The following BEGAIN variants were observed in gnomAD, a reference collection of about 807,000 sequenced individuals.
BEGAIN encodes brain-enriched guanylate kinase-associated protein.
In BEGAIN, 19 loss-of-function variants were observed where a neutral mutation model predicts 35.8. The observed-to-expected ratio is 0.53, with a 90% CI of 0.37 to 0.78. The LOEUF (loss-of-function observed/expected upper bound fraction) is 0.78. Among genes scored for constraint, BEGAIN ranks in the 30% least tolerant of loss-of-function variants. The probability of loss-of-function intolerance (pLI) is 0.00; values close to 1 mark genes in which losing one functional copy is unlikely to be tolerated. For synonymous variants in BEGAIN, 462 were observed against 388.6 expected (o/e 1.19, Z -2.22); for missense variants, 795 against 853.6 (o/e 0.93, Z 0.85).
chr14:100,539,104 G>A lies in BEGAIN; in HGVS notation c.704C>T (p.Pro235Leu). Residue 235 changes from proline (P) to leucine (L), a missense_variant, in exon 7 of 7, where the codon CCA becomes CTA. Coordinates refer to ENST00000554140, the MANE Select transcript of BEGAIN (RefSeq NM_001385089.1). ...DLAFCDGVEK[P>L]GPRPPYKGDI... ...TCCCTTGTAGGGGGGCCGCGGGCCTGGTTTCTCCACCCCGTCGCAGAAGGC... is the reference window on the plus strand; with the variant it reads ...TCCCTTGTAGGGGGGCCGCGGGCCTAGTTTCTCCACCCCGTCGCAGAAGGC... 2 of 1,609,884 alleles carry A rather than the reference G, an allele frequency of 1.2e-6. No homozygotes were observed. The highest frequency in any genetic ancestry group is 1.7e-6 in the Non-Finnish European group (2 of 1,177,522).
Position 100,568,558 on chromosome 14 carries a change from C to T in BEGAIN, c.43-619G>A. On this transcript the variant is annotated intron_variant, in intron 1 of 6. Transcript: ENST00000554140. This position sits in a 1 kb window ranked among gnomAD's most constrained non-coding sequence, Gnocchi z 7.5. ...CCCTCCCGGGCCCCAGGGATTAACCCGTGAGCGCCCGGCTCGCCGGCGGGG... is the reference window on the plus strand; with the variant it reads ...CCCTCCCGGGCCCCAGGGATTAACCTGTGAGCGCCCGGCTCGCCGGCGGGG... 7.9e-7 allele frequency: 1 copy of T among 1,264,252 alleles called. No individual in the cohort carries two copies. Among genetic ancestry groups the T allele is most frequent in the South Asian group, 1.3e-5 (1 of 79,524 alleles). The allele number at this position is 1,264,252 out of a possible 1,614,324, so 78.3% of individuals were successfully genotyped here.
rs543961142 is a variant in BEGAIN, at chr14:100,554,076, TGGGGCCCTGCCGGGCTG to T, written c.72-7431_72-7415del. Among the ~76,000 whole-genome samples, 14 of 152,260 alleles carry T rather than the reference TGGGGCCCTGCCGGGCTG, an allele frequency of 9.2e-5. No individual in the cohort carries two copies. In the South Asian group the frequency reaches 2.3e-3, roughly 25 times the overall value. On this transcript the variant is annotated intron_variant, in intron 2 of 6. Coordinates refer to ENST00000554140, the MANE Select transcript of BEGAIN (RefSeq NM_001385089.1). Reference sequence around the variant, plus strand: ...GCCCTTCCTGCTCCCCTGAAGCCCATGGGGCCCTGCCGGGCTGGGGGAGGACGGTCACATGAGCTCCA... The same window carrying T: ...GCCCTTCCTGCTCCCCTGAAGCCCATGGGGAGGACGGTCACATGAGCTCCA...
intron 2 of BEGAIN, among the ~76,000 whole-genome samples, chr14:100,561,320 C>T (rs1377935350): frequency 6.6e-6 from 1 of 152,324 alleles, no homozygotes; most frequent in East Asian, 1.9e-4. Flanking sequence ...GACGGGCAGG[C>T]CACAACAGCA....
At chr14:100,540,332 C>T in intron 6 of BEGAIN, 164 bp downstream of exon 6, 1 of 624,286 alleles carries the variant, frequency 1.6e-6, no homozygotes, top group Non-Finnish European at 2.8e-6. Context: ...CCTTTGGCGG[C>T]CCCTCCAATG....
intron 1 of BEGAIN, among the ~76,000 whole-genome samples, chr14:100,578,645 C>G (rs910960216): frequency 2.6e-5 from 4 of 152,190 alleles, no homozygotes; most frequent in Non-Finnish European, 5.9e-5. Flanking sequence ...AGACAGCCAG[C>G]CTGTGTCTTT....
rs535030619 is a variant in BEGAIN at position 100,582,350 on chromosome 14, G to A, written c.42+4899C>T. ...AGTAGAGATGGGGTTTCTCCATGTT[G>A]GCCGGGATGGTCTTGATCTCCTGAC... On this transcript the variant is annotated intron_variant, in intron 1 of 6. Transcript: ENST00000554140. Among the ~76,000 whole-genome samples the A allele has an allele frequency of 9.5e-4, 144 of 152,174 alleles. 1 individual carries two copies. The highest frequency in any genetic ancestry group is 3.2e-3 in the African/African-American group (131 of 41,508).
At chr14:100,574,977 T>A (rs926230271) in intron 1 of BEGAIN, among the ~76,000 whole-genome samples, 1 of 152,130 alleles carries the variant, frequency 6.6e-6, no homozygotes, top group Non-Finnish European at 1.5e-5. Context: ...TGAGGCTCAG[T>A]CCCAAGTCTG....
intron 1 of BEGAIN, chr14:100,578,075 CT>C: frequency 2.5e-6 from 1 of 397,968 alleles, no homozygotes; most frequent in Non-Finnish European, 4.4e-6. Context: ...CAGGCCAGGG[CT>C]GCCTGCCAGA....
rs1278060690 is a variant in BEGAIN at position 100,563,063 on chromosome 14, G to A, written c.71+4848C>T. On this transcript the variant is annotated intron_variant, in intron 2 of 6. Coordinates refer to ENST00000554140, the MANE Select transcript of BEGAIN (RefSeq NM_001385089.1). The surrounding 1 kb of genome is among the most constrained non-coding windows in gnomAD (Gnocchi z 4.2). ...GCGTGGAGGGGCAGGGCAGGACAGG[G>A]TCAGGACCTTCGAGGCCACCTGCTC... 1.3e-5 allele frequency among the ~76,000 whole-genome samples: 2 copies of A among 152,168 alleles called. No homozygotes were observed. Among genetic ancestry groups the A allele is most frequent in the Non-Finnish European group, 1.5e-5 (1 of 68,036 alleles).
At position 100,556,225 on chromosome 14, in the gene BEGAIN, C is replaced by T. The variant is rs1332231140; in HGVS notation, c.72-9563G>A. Reference sequence around the variant, plus strand: ...ACCTCTCCATTTGGATCCTCGACTCCGGGATGACCTGGCTGGCCGCGCCAC... The same window carrying T: ...ACCTCTCCATTTGGATCCTCGACTCTGGGATGACCTGGCTGGCCGCGCCAC... On this transcript the variant is annotated intron_variant, in intron 2 of 6. Transcript: ENST00000554140. Among the ~76,000 whole-genome samples the T allele has an allele frequency of 3.9e-5, 6 of 152,234 alleles. No individual in the cohort carries two copies. The East Asian group carries it at 9.7e-4, about 25-fold the overall frequency.
intron 2 of BEGAIN, among the ~76,000 whole-genome samples, chr14:100,554,939 C>T (rs1391803938): frequency 6.6e-6 from 1 of 152,270 alleles, no homozygotes; most frequent in East Asian, 1.9e-4. Context: ...CCCCTGAGAG[C>T]CTGCCTTTGC....
chr14:100,569,990 C>G (rs374035805), intron 1 of BEGAIN, among the ~76,000 whole-genome samples: 1 of 152,054 alleles, frequency 6.6e-6, no homozygotes. Flanking sequence ...AGCCCCGGAC[C>G]CCCTATGCGG....
intron 2 of BEGAIN, among the ~76,000 whole-genome samples, chr14:100,557,795 T>A (rs1239560079): frequency 2.6e-5 from 4 of 151,974 alleles, no homozygotes; most frequent in African/African-American, 9.7e-5. Context: ...TGCCTTCCCC[T>A]CCTGCCTCCC....
chr14:100,541,725 G>A (rs376867710), intron 5 of BEGAIN, among the ~76,000 whole-genome samples: 2 of 152,354 alleles, frequency 1.3e-5, no homozygotes, highest in Non-Finnish European at 2.9e-5. Flanking sequence ...CTGGGAAGCC[G>A]GTGCCATGCC....
At chr14:100,547,393 T>C (rs1449485858) in intron 2 of BEGAIN, 1 of 152,268 alleles carries the variant, frequency 6.6e-6, no homozygotes, top group Non-Finnish European at 1.5e-5. Context: ...TCCCCCAGAA[T>C]GGGGTCTCCT....
intron 2 of BEGAIN, among the ~76,000 whole-genome samples, chr14:100,557,247 C>T (rs565809357): frequency 4.6e-5 from 7 of 152,354 alleles, no homozygotes; most frequent in African/African-American, 7.2e-5. Flanking sequence ...GGTCAGGGAG[C>T]GCATTGGCCT....
Position 100,537,569 on chromosome 14 carries a change from C to A in BEGAIN, c.*400G>T, listed in dbSNP as rs2030741001. On this transcript the variant is annotated 3_prime_UTR_variant, in exon 7 of 7. Transcript: ENST00000554140. ...TTCCCTTCCCTTCCAAGGGGCAGGC[C>A]CCACGCACCCTCGCCCAAAAAATAA... 5.6e-6 allele frequency: 1 copy of A among 178,618 alleles called. No individual in the cohort carries two copies. Among genetic ancestry groups the A allele is most frequent in the East Asian group, 1.6e-4 (1 of 6,216 alleles). The allele number at this position is 178,618 out of a possible 1,614,324, so 11.1% of individuals were successfully genotyped here.
chr14:100,561,273 G>T (rs1302442382), intron 2 of BEGAIN, among the ~76,000 whole-genome samples: 1 of 152,218 alleles, frequency 6.6e-6, no homozygotes, highest in Non-Finnish European at 1.5e-5. Flanking sequence ...CGCCCAAGGG[G>T]TGGGCAGCAA....
At position 100,573,611 on chromosome 14, in the gene BEGAIN, A is replaced by G. The variant is rs572555944; in HGVS notation, c.43-5672T>C. Among the ~76,000 whole-genome samples the G allele has an allele frequency of 2.4e-3, 358 of 151,796 alleles. 3 individuals carry two copies. Among genetic ancestry groups the G allele is most frequent in the African/African-American group, 8.4e-3 (346 of 41,372 alleles). ...GGATTCTCAGATTCCCAGGCAGTCT[A>G]GAAGCAGACATGGAAGGAAGAGAAC... On this transcript the variant is annotated intron_variant, in intron 1 of 6. Coordinates refer to ENST00000554140, the MANE Select transcript of BEGAIN (RefSeq NM_001385089.1). The surrounding 1 kb of genome is among the most constrained non-coding windows in gnomAD (Gnocchi z 4.2).
Sources: gnomAD v4.1 joint callset for allele counts (sites outside exome capture counted in the v4.1 genomes callset) on GRCh38, gnomAD v4.1.1 for gene constraint, Gnocchi (gnomAD v3.1) non-coding constraint, MANE v1.5 for transcripts, NCBI Gene and HGNC (gene_info 2026-07-23, HGNC 2026-07-21) for gene names.